Variants in CDH4 observed in about 807,000 individuals in gnomAD.
CDH4 encodes the protein cadherin-4.
A neutral mutation model predicts 86.0 loss-of-function variants in CDH4; 33 were observed. The ratio of observed to expected loss-of-function variants is 0.38; its 90% CI spans 0.29 to 0.51. CDH4 has a LOEUF of 0.51. Among genes scored for constraint, CDH4 ranks in the 20% least tolerant of loss-of-function variants. CDH4 has a pLI of 0.86. For missense variants in CDH4, 1,114 were observed against 1,307.4 expected, an observed-to-expected ratio of 0.85 and a Z score of 2.28; for synonymous variants, 555 against 549.4, an observed-to-expected ratio of 1.01 and a Z score of -0.14.
intron 4 of CDH4, among the ~76,000 whole-genome samples, chr20:61,787,098 TCATCCATCCATC>T (rs113099172): frequency 0.26 from 38,913 of 151,560 alleles, 5,657 homozygotes; most frequent in East Asian, 0.4. Flanking sequence ...CATCCATCCA[TCATCCATCCATC>T]CATCCATCCA....
intron 2 of CDH4, among the ~76,000 whole-genome samples, chr20:61,298,352 A>G (rs2084368016): frequency 6.8e-6 from 1 of 147,938 alleles, no homozygotes; most frequent in Admixed American, 7.0e-5. Context: ...CCACTCTCCT[A>G]GACAATCAGC....
At chr20:61,281,281 G>C (rs2084257502) in intron 2 of CDH4, among the ~76,000 whole-genome samples, 1 of 152,206 alleles carries the variant, frequency 6.6e-6, no homozygotes, top group Non-Finnish European at 1.5e-5. Flanking sequence ...AGGTGGGGCT[G>C]TGGGGAGGTG....
At chr20:61,566,639 A>C (rs2086300252) in intron 2 of CDH4, among the ~76,000 whole-genome samples, 1 of 152,110 alleles carries the variant, frequency 6.6e-6, no homozygotes, top group South Asian at 2.1e-4. Flanking sequence ...GTCAGTGCCC[A>C]CGGGGTGCCC....
At chr20:61,801,253 C>T (rs539741130) in intron 4 of CDH4, among the ~76,000 whole-genome samples, 3 of 152,260 alleles carry the variant, frequency 2.0e-5, no homozygotes, top group African/African-American at 7.2e-5. Flanking sequence ...TCCCCCGACA[C>T]CTAGACATTG....
At chr20:61,694,731 G>A (rs6061315) in intron 2 of CDH4, among the ~76,000 whole-genome samples, 23,968 of 152,094 alleles carry the variant, frequency 0.16, 2,605 homozygotes, top group African/African-American at 0.31. Context: ...AGTCTCCTGC[G>A]TGCTTTAGAG....
intron 2 of CDH4, among the ~76,000 whole-genome samples, chr20:61,386,329 C>CTG: frequency 6.6e-6 from 1 of 152,140 alleles, no homozygotes; most frequent in Non-Finnish European, 1.5e-5. Flanking sequence ...CCCAGGATGA[C>CTG]ACCCACCCAT....
chr20:61,782,384 A>G (rs999683974), intron 4 of CDH4, among the ~76,000 whole-genome samples: 1 of 152,212 alleles, frequency 6.6e-6, no homozygotes, highest in African/African-American at 2.4e-5. Context: ...TCACCATTAG[A>G]TCCAGAGGGA....
intron 2 of CDH4, among the ~76,000 whole-genome samples, chr20:61,732,693 C>T (rs2088207555): frequency 6.6e-6 from 1 of 152,236 alleles, no homozygotes; most frequent in Non-Finnish European, 1.5e-5. Flanking sequence ...CACGCATGGT[C>T]CCCCACTAGA....
At chr20:61,253,645 G>A (rs904689591) in intron 1 of CDH4, among the ~76,000 whole-genome samples, 1 of 152,184 alleles carries the variant, frequency 6.6e-6, no homozygotes, top group Non-Finnish European at 1.5e-5. Context: ...GTGCGATTTG[G>A]AGCTTCGTGG....
intron 2 of CDH4, among the ~76,000 whole-genome samples, chr20:61,604,695 T>G (rs779353114): frequency 3.3e-5 from 5 of 152,112 alleles, no homozygotes; most frequent in Non-Finnish European, 5.9e-5. Context: ...CATGCATCCC[T>G]CTAACACACA....
intron 2 of CDH4, among the ~76,000 whole-genome samples, chr20:61,667,184 G>A (rs2087335300): frequency 6.7e-6 from 1 of 150,316 alleles, no homozygotes; most frequent in Admixed American, 6.6e-5. Context: ...TGGTGTGGGA[G>A]GCAGGGAGCA....
intron 7 of CDH4, among the ~76,000 whole-genome samples, chr20:61,891,341 C>T (rs768163376): frequency 6.6e-5 from 10 of 152,170 alleles, no homozygotes; most frequent in African/African-American, 1.2e-4. Context: ...AGGTTGCTGA[C>T]GGCTCTGCAG....
At position 61,783,457 on chromosome 20, in the gene CDH4, T is replaced by C. The variant is rs112190766; in HGVS notation, c.576+10275T>C. 8.2e-3 allele frequency among the ~76,000 whole-genome samples: 1,237 copies of C among 151,386 alleles called. 16 individuals are homozygous for C. Among genetic ancestry groups the C allele is most frequent in the African/African-American group, 0.028 (1,165 of 41,220 alleles). On this transcript the variant is annotated intron_variant, in intron 4 of 15. Coordinates refer to ENST00000614565, the MANE Select transcript of CDH4 (RefSeq NM_001794.5). ...TGAGAGAAATGTAATCCCAGTTCCTTGGGACAGTTCTCGAGGCCCTCAGAT... is the reference window on the plus strand; with the variant it reads ...TGAGAGAAATGTAATCCCAGTTCCTCGGGACAGTTCTCGAGGCCCTCAGAT...
intron 2 of CDH4, among the ~76,000 whole-genome samples, chr20:61,485,053 T>A (rs978527798): frequency 6.6e-6 from 1 of 152,194 alleles, no homozygotes; most frequent in African/African-American, 2.4e-5. Flanking sequence ...ATTTCATCCC[T>A]TTCCAACGGC....
At chr20:61,405,683 T>A (rs1476202050) in intron 2 of CDH4, among the ~76,000 whole-genome samples, 3 of 150,778 alleles carry the variant, frequency 2.0e-5, no homozygotes, top group South Asian at 4.2e-4. Flanking sequence ...TATAGCTATA[T>A]CTATGTATCT....
chr20:61,639,910 G>A (rs996058142), intron 2 of CDH4, among the ~76,000 whole-genome samples: 1 of 152,100 alleles, frequency 6.6e-6, no homozygotes, highest in Non-Finnish European at 1.5e-5. Context: ...TCTTGGAGCC[G>A]CTGTGTCAGA....
Position 61,709,955 on chromosome 20 carries a change from T to C in CDH4, c.170-33608T>C, listed in dbSNP as rs1369310248. ...ATTAGCGGGATCGGGCAAGACCATC[T>C]GTGTGTTGTAGGGAAAAGTTTGCCA... On this transcript the variant is annotated intron_variant, in intron 2 of 15. Coordinates refer to ENST00000614565, the MANE Select transcript of CDH4 (RefSeq NM_001794.5). This position sits in a 1 kb window ranked among gnomAD's most constrained non-coding sequence, Gnocchi z 4.8. 6.6e-6 allele frequency among the ~76,000 whole-genome samples: 1 copy of C among 152,188 alleles called. No individual in the cohort carries two copies. Among genetic ancestry groups the C allele is most frequent in the Non-Finnish European group, 1.5e-5 (1 of 68,038 alleles).
intron 2 of CDH4, among the ~76,000 whole-genome samples, chr20:61,600,565 C>A (rs957349521): frequency 1.3e-5 from 2 of 152,184 alleles, no homozygotes; most frequent in Admixed American, 1.3e-4. Context: ...CTGCGCAGTG[C>A]CTCAGCCCAG....
At chr20:61,743,423 C>A in intron 2 of CDH4, 140 bp from the exon 3 acceptor site, 1 of 659,740 alleles carries the variant, frequency 1.5e-6, no homozygotes, top group South Asian at 1.8e-5. Flanking sequence ...ACCACCTTCT[C>A]GGGAGGTGGA....
Sources: allele counts gnomAD v4.1 joint callset (sites outside exome capture counted in the v4.1 genomes callset), GRCh38; gene constraint gnomAD v4.1.1; non-coding constraint Gnocchi (gnomAD v3.1); transcripts MANE v1.5; gene names NCBI Gene and HGNC (gene_info 2026-07-23, HGNC 2026-07-21).